FCSK: variants seen among roughly 807,000 people sequenced by gnomAD.
The protein encoded by FCSK is fucose kinase, also known as L-fucose kinase.
A neutral mutation model predicts 122.5 loss-of-function variants in FCSK; 123 were observed. The ratio of observed to expected loss-of-function variants is 1.00; its 90% confidence interval spans 0.87 to 1.17. The LOEUF (loss-of-function observed/expected upper bound fraction) is 1.17, where lower values mean the gene tolerates loss of function less well. FCSK is among the 50% of genes most tolerant of loss of function. FCSK has a pLI of 0.00. For missense variants in FCSK, 1,366 were observed against 1,450.4 expected (o/e 0.94, Z 0.95); for synonymous variants, 620 against 625.5 (o/e 0.99, Z 0.13).
At chr16:70,479,498 C>T in intron 23 of FCSK, 81 bp from the exon 24 acceptor site, 1 of 1,491,904 alleles carries the variant, frequency 6.7e-7, no homozygotes, top group Non-Finnish European at 9.2e-7. Flanking sequence ...TGTAAGTCCC[C>T]CTGGTCCTGC....
chr16:70,467,027 C>T (rs1458827340), intron 6 of FCSK, 73 bp downstream of exon 6: 4 of 1,408,320 alleles, frequency 2.8e-6, no homozygotes, highest in Non-Finnish European at 4.0e-6. Context: ...GCCCTTCTTG[C>T]CCACCCTGCC....
At chr16:70,475,296 G>T in intron 18 of FCSK, 54 bp from the exon 19 acceptor site, 1 of 1,594,430 alleles carries the variant, frequency 6.3e-7, no homozygotes, top group African/African-American at 1.3e-5. Context: ...GTGGGTGGGT[G>T]CCTGCGTCTG....
intron 3 of FCSK, 63 bp downstream of exon 3, chr16:70,463,837 G>A: frequency 6.6e-7 from 1 of 1,512,044 alleles, no homozygotes. Context: ...TCATTTCTGA[G>A]ATCCCCAGCT....
At chr16:70,463,024 G>A in intron 1 of FCSK, 145 bp from the exon 2 acceptor site, 1 of 503,780 alleles carries the variant, frequency 2.0e-6, no homozygotes, top group African/African-American at 1.9e-5. Context: ...AGGAGAGGTT[G>A]CATGAGGAAG....
At chr16:70,460,826 T>C (rs987052877) in intron 1 of FCSK, among the ~76,000 whole-genome samples, 2 of 152,236 alleles carry the variant, frequency 1.3e-5, no homozygotes, top group Admixed American at 6.5e-5. Flanking sequence ...GTGGCCTCCA[T>C]GTAAACAAGG....
chr16:70,467,983 C>T lies in FCSK; in HGVS notation c.663+17C>T. ...GTGCCACTGGTATGGCTGCTGGGCCCAGGTTGCGGGGCTTTGGGGACCTTA... is the reference window on the plus strand; with the variant it reads ...GTGCCACTGGTATGGCTGCTGGGCCTAGGTTGCGGGGCTTTGGGGACCTTA... On this transcript the variant is annotated intron_variant, in intron 8 of 23. Coordinates refer to ENST00000288078, the MANE Select transcript of FCSK (RefSeq NM_145059.3). The T allele has an allele frequency of 6.2e-7, 1 of 1,607,702 alleles. No homozygotes were observed. Among genetic ancestry groups the T allele is most frequent in the Non-Finnish European group, 8.5e-7 (1 of 1,174,230 alleles).
chr16:70,461,882 G>C (rs13332431), intron 1 of FCSK, among the ~76,000 whole-genome samples: 1 of 152,130 alleles, frequency 6.6e-6, no homozygotes, highest in African/African-American at 2.4e-5. Context: ...GTGTCCACCT[G>C]GGGAGATGAA....
intron 1 of FCSK, among the ~76,000 whole-genome samples, chr16:70,460,448 A>G (rs2048231042): frequency 6.7e-6 from 1 of 149,624 alleles, no homozygotes; most frequent in South Asian, 2.1e-4. Flanking sequence ...TCTGTCGCCC[A>G]GGCTGGAGTG....
At position 70,463,261 on chromosome 16, in the gene FCSK, T is replaced by G. The variant is rs755890429; in HGVS notation, c.71T>G (p.Val24Gly). The change falls in exon 2 of 24, where the codon GTC becomes GGC. Residue 24 changes from valine (V) to glycine (G), a missense_variant. By Grantham distance (109) the Val-to-Gly change is moderately radical (BLOSUM62 -3). Coordinates refer to ENST00000288078, the MANE Select transcript of FCSK (RefSeq NM_145059.3). ...TGCCAGTACAAGGACAGTGTCCAGGTCTTTCAGAGAGGTAGGGGACTCCCC... is the reference window on the plus strand; with the variant it reads ...TGCCAGTACAAGGACAGTGTCCAGGGCTTTCAGAGAGGTAGGGGACTCCCC... ...LTCQYKDSVQ[V>G]FQRELEVRQK... is the part of the protein sequence containing the mutation. 1 of 1,613,562 alleles carries G rather than the reference T, an allele frequency of 6.2e-7. No homozygotes were observed. Among genetic ancestry groups the G allele is most frequent in the Non-Finnish European group, 8.5e-7 (1 of 1,179,672 alleles).
intron 4 of FCSK, 21 bp downstream of exon 4, chr16:70,465,197 G>C: frequency 6.3e-7 from 1 of 1,591,722 alleles, no homozygotes; most frequent in Non-Finnish European, 8.6e-7. Flanking sequence ...TTTGGGGCAG[G>C]GGCCAAGCAG....
intron 17 of FCSK, 26 bp from the exon 18 acceptor site, chr16:70,474,764 G>C (rs761761819): frequency 2.4e-5 from 37 of 1,556,948 alleles, no homozygotes; most frequent in African/African-American, 9.5e-5. Context: ...TCTGTGACCA[G>C]CTTGAGTCTT....
rs780164688 is a variant in FCSK, at chr16:70,466,889, C to T, written c.419C>T (p.Pro140Leu). 1.1e-5 allele frequency: 17 copies of T among 1,613,234 alleles called. No individual in the cohort carries two copies. Among genetic ancestry groups the T allele is most frequent in the East Asian group, 6.7e-5 (3 of 44,892 alleles). The change falls in exon 6 of 24, where the codon CCG (proline) becomes CTG (leucine). Residue 140 changes from proline to leucine, a missense_variant. By Grantham distance (98) the Pro-to-Leu change is moderately conservative. Transcript: ENST00000288078. The part of the protein sequence containing the change: ...LLDIMTYRLG[P>L]GSPPGVWVCS... ...GTCTCCTTCCCCCCACAGCTGGGCC[C>T]GGGCTCCCCGCCAGGCGTGTGGGTC...
At position 70,473,734 on chromosome 16, in the gene FCSK, G is replaced by T. The variant is rs189529809; in HGVS notation, c.1777+381G>T. 2.2e-3 allele frequency among the ~76,000 whole-genome samples: 331 copies of T among 152,320 alleles called. 1 individual carries two copies. The highest frequency in any genetic ancestry group is 0.017 in the Middle Eastern group (5 of 294). The stretch of plus-strand genomic sequence containing the variant: ...TGAGGTCCCAAGCACACTTCCGGGG[G>T]CTCACAGCCTTAGCCTCCTAGGCTG... On this transcript the variant is annotated intron_variant, in intron 15 of 23. Transcript: ENST00000288078. The surrounding 1 kb of genome is among the most constrained non-coding windows in gnomAD (Gnocchi z 4.9).
At position 70,474,148 on chromosome 16, in the gene FCSK, C is replaced by T. The variant is rs747120933; in HGVS notation, c.1797C>T (p.Asp599=). 18 of 1,551,958 alleles carry T rather than the reference C, an allele frequency of 1.2e-5. No homozygotes were observed. Among genetic ancestry groups the T allele is most frequent in the Non-Finnish European group, 1.4e-5 (16 of 1,147,992 alleles). ...CCTCAGTTGCAGCTGGGGCAGGAGA[C>T]CCTGGTGTGGCGGCACGGGCACTGG... is the stretch of plus-strand genomic sequence containing the variant. ...TLDQVAAGAG[D]PGVAARALAC... Residue 599 remains aspartate (D), a synonymous_variant, in exon 16 of 24, where the codon GAC becomes GAT. Transcript: ENST00000288078.
Position 70,470,416 on chromosome 16 carries a change from C to A in FCSK, c.1058C>A (p.Ser353Tyr), listed in dbSNP as rs559963930. The A allele has an allele frequency of 5.6e-6, 9 of 1,609,900 alleles. No individual in the cohort carries two copies. In the South Asian group the frequency reaches 6.6e-5, roughly 12 times the overall value. ...GCTCCTGGGGCCCAGATTGTGCACT[C>A]CCAGGTGGAGGTGAGACCTCCCTGC... The part of the protein sequence containing the change: ...PGAPGAQIVH[S>Y]QVEEQQLLAA... The change falls in exon 11 of 24, where the codon TCC becomes TAC. Residue 353 changes from serine (S) to tyrosine (Y), a missense_variant. Coordinates refer to ENST00000288078, the MANE Select transcript of FCSK (RefSeq NM_145059.3).
At chr16:70,478,055 C>G in intron 20 of FCSK, 1 of 576,294 alleles carries the variant, frequency 1.7e-6, no homozygotes, top group Non-Finnish European at 3.1e-6. Flanking sequence ...AAACAAAACT[C>G]AGGCCTTGGG....
chr16:70,469,031 G>A, intron 9 of FCSK, 63 bp downstream of exon 9: 1 of 1,607,176 alleles, frequency 6.2e-7, no homozygotes. Context: ...GTGACCTCAG[G>A]CCAGCCACTT....
In FCSK at chr16:70,478,970, G is replaced by A. The variant is rs372088853; in HGVS notation, c.2930-210G>A. On this transcript the variant is annotated intron_variant, in intron 22 of 23. Transcript: ENST00000288078. ...GTGGCTTCACAGCTCCCTAGATGCC[G>A]ACTATGCTGGGTGTGGTGTTGGTTG... The A allele has an allele frequency of 1.1e-4, 76 of 666,966 alleles. No individual in the cohort carries two copies. The East Asian group carries it at 1.2e-3, about 11-fold the overall frequency. The allele number at this position is 666,966 out of a possible 1,614,324, so 41.3% of individuals were successfully genotyped here.
intron 18 of FCSK, 78 bp from the exon 19 acceptor site, chr16:70,475,272 C>T: frequency 6.5e-7 from 1 of 1,539,650 alleles, no homozygotes; most frequent in Non-Finnish European, 8.8e-7. Flanking sequence ...CCGCACTGGG[C>T]TGGGAAGTCC....
Sources: allele counts gnomAD v4.1 joint callset (sites outside exome capture counted in the v4.1 genomes callset), GRCh38; gene constraint gnomAD v4.1.1; non-coding constraint Gnocchi (gnomAD v3.1); transcripts MANE v1.5; gene names NCBI Gene and HGNC (gene_info 2026-07-23, HGNC 2026-07-21).